IL20RA: variants seen among roughly 807,000 people sequenced by gnomAD.
IL20RA encodes the protein interleukin 20 receptor subunit alpha.
A neutral mutation model predicts 36.5 loss-of-function variants in IL20RA; 29 were observed. The observed-to-expected ratio is 0.79, with a 90% confidence interval of 0.59 to 1.08. The LOEUF is 1.08. Among genes scored for constraint, IL20RA ranks in the 50% least tolerant of loss-of-function variants. The pLI, the probability that IL20RA is intolerant of heterozygous loss-of-function variation, is 0.00. For synonymous variants in IL20RA, 279 were observed against 267.1 expected (o/e 1.04, Z -0.43); for missense variants, 652 against 668.4 (o/e 0.98, Z 0.27).
At chr6:137,043,944 A>G (rs937260134) in intron 1 of IL20RA, 1 of 264,186 alleles carries the variant, frequency 3.8e-6, no homozygotes, top group Admixed American at 6.5e-5. Flanking sequence ...TAAACTTAAA[A>G]ACCAAACAAA....
At chr6:137,025,027 G>C (rs1776038617) in intron 1 of IL20RA, among the ~76,000 whole-genome samples, 1 of 152,196 alleles carries the variant, frequency 6.6e-6, no homozygotes, top group African/African-American at 2.4e-5. Context: ...AGTCGGCAAG[G>C]AACTATCCAT....
chr6:137,023,751 A>C (rs2115399150), intron 1 of IL20RA, among the ~76,000 whole-genome samples: 1 of 152,322 alleles, frequency 6.6e-6, no homozygotes, highest in South Asian at 2.1e-4. Flanking sequence ...AAGATCTAGC[A>C]AGGAATACTC....
At chr6:137,026,017 T>C (rs1776075647) in intron 1 of IL20RA, among the ~76,000 whole-genome samples, 1 of 152,188 alleles carries the variant, frequency 6.6e-6, no homozygotes, top group African/African-American at 2.4e-5. Context: ...CATTAATCAG[T>C]ACAGAAAGCA....
chr6:137,002,425 G>A, intron 6 of IL20RA, 70 bp from the exon 7 acceptor site: 1 of 987,284 alleles, frequency 1.0e-6, no homozygotes, highest in Non-Finnish European at 1.5e-6. Flanking sequence ...CTGTTAGGTA[G>A]AATATCTTGT....
rs17065975 is a variant in IL20RA at position 137,010,091 on chromosome 6, C to T, written c.404-599G>A. Among the ~76,000 whole-genome samples, 1,048 of 152,316 alleles carry T rather than the reference C, an allele frequency of 6.9e-3. 12 individuals carry two copies. Among genetic ancestry groups the T allele is most frequent in the African/African-American group, 0.024 (1,002 of 41,576 alleles). On this transcript the variant is annotated intron_variant, in intron 3 of 6. Coordinates refer to ENST00000316649, the MANE Select transcript of IL20RA (RefSeq NM_014432.4). ...ATGCATAAACAGTAGATGGTTAATACAATCAAAACTGTTTGTAAGATTTCT... is the reference window on the plus strand; with the variant it reads ...ATGCATAAACAGTAGATGGTTAATATAATCAAAACTGTTTGTAAGATTTCT...
At position 137,009,342 on chromosome 6, in the gene IL20RA, A is replaced by G; in HGVS notation, c.554T>C (p.Val185Ala). 6.2e-7 allele frequency: 1 copy of G among 1,613,800 alleles called. No individual in the cohort carries two copies. Residue 185 changes from valine to alanine, a missense_variant, in exon 4 of 7, where the codon GTG (valine) becomes GCG (alanine). Coordinates refer to ENST00000316649, the MANE Select transcript of IL20RA (RefSeq NM_014432.4). ...IYSNLKYNVSVLNTKSNRTWS... is the reference protein window; with the variant it reads ...IYSNLKYNVSALNTKSNRTWS... The stretch of plus-strand genomic sequence containing the variant: ...CGTTCTGTTTGATTTAGTATTCAAC[A>G]CAGACACGTTATACTTCAGATTGGA...
chr6:137,001,776 A>C lies in IL20RA; in HGVS notation c.1444T>G (p.Trp482Gly), dbSNP rs1775052515. 6.2e-7 allele frequency: 1 copy of C among 1,612,534 alleles called. No homozygotes were observed. Among genetic ancestry groups the C allele is most frequent in the African/African-American group, 1.3e-5 (1 of 75,014 alleles). Reference sequence around the variant, plus strand: ...CACAGCCTGCCAGTTTGGGGATCCCAGTCGACCAGGGTCGTCGATGGCTCT... The same window carrying C: ...CACAGCCTGCCAGTTTGGGGATCCCCGTCGACCAGGGTCGTCGATGGCTCT... The part of the protein sequence containing the change: ...EEEPSTTLVD[W>G]DPQTGRLCIP... The change falls in exon 7 of 7, where the codon TGG (tryptophan) becomes GGG (glycine). Residue 482 changes from tryptophan to glycine, a missense_variant. Trp to Gly is a radical substitution (Grantham distance 184, BLOSUM62 -2). Transcript: ENST00000316649.
intron 1 of IL20RA, among the ~76,000 whole-genome samples, chr6:137,031,926 G>A (rs1048312256): frequency 6.6e-6 from 1 of 151,458 alleles, no homozygotes; most frequent in Non-Finnish European, 1.5e-5. Flanking sequence ...CAGCGCACGT[G>A]CCTGTAATCC....
chr6:137,004,159 CTTT>C (rs140038413), intron 6 of IL20RA, among the ~76,000 whole-genome samples: 22,060 of 87,804 alleles, frequency 0.25, 6,134 homozygotes, highest in East Asian at 0.44. Flanking sequence ...ATCCAGAAAG[CTTT>C]TTTTTTTTTT....
chr6:137,002,392 CT>C, intron 6 of IL20RA, 37 bp from the exon 7 acceptor site: 2 of 1,398,294 alleles, frequency 1.4e-6, no homozygotes, highest in Non-Finnish European at 9.8e-7. Context: ...CACCTTTTCA[CT>C]TTAGAGAGAC....
intron 1 of IL20RA, among the ~76,000 whole-genome samples, chr6:137,042,197 T>C (rs993661507): frequency 1.4e-5 from 1 of 69,848 alleles, no homozygotes; most frequent in African/African-American, 5.2e-5. Context: ...ATGAGTGAGA[T>C]GGGAAACACT....
intron 5 of IL20RA, among the ~76,000 whole-genome samples, chr6:137,006,907 A>G (rs1459675772): frequency 6.6e-6 from 1 of 151,966 alleles, no homozygotes; most frequent in Non-Finnish European, 1.5e-5. Context: ...TATTTTTAGT[A>G]GAGATGGGGT....
At chr6:137,008,493 G>A in intron 5 of IL20RA, 106 bp downstream of exon 5, 5 of 1,221,246 alleles carry the variant, frequency 4.1e-6, no homozygotes, top group Non-Finnish European at 5.6e-6. Context: ...GCCTCAACCT[G>A]TTTCTGTTAG....
rs1016960290 is a variant in IL20RA at position 137,000,166 on chromosome 6, T to C, written c.*1392A>G. The C allele has an allele frequency of 2.6e-5, 4 of 152,210 alleles. No individual in the cohort carries two copies. Among genetic ancestry groups the C allele is most frequent in the Non-Finnish European group, 4.4e-5 (3 of 68,050 alleles). The allele number at this position is 152,210 out of a possible 1,614,324, so 9.4% of individuals were successfully genotyped here. A position where few individuals can be genotyped will look rare whatever the true frequency, so the allele number is the denominator to read the frequency against. ...TTAAACCATTAGATCTGAAACTGTT[T>C]GCATTTGCGGATAATCACGAAAGGT... is the stretch of plus-strand genomic sequence containing the variant. On this transcript the variant is annotated 3_prime_UTR_variant, in exon 7 of 7. Transcript: ENST00000316649.
At chr6:137,004,159 CTTTTTTTTTTT>C (rs140038413) in intron 6 of IL20RA, among the ~76,000 whole-genome samples, 14 of 88,006 alleles carry the variant, frequency 1.6e-4, no homozygotes, top group African/African-American at 7.8e-4. Context: ...ATCCAGAAAG[CTTTTTTTTTTT>C]TTTTTTTTTT....
chr6:137,001,951 C>G lies in IL20RA; in HGVS notation c.1269G>C (p.Glu423Asp). ...GPEEQELSLQ[E>D]EVSTQGTLLE... ...ATAATGTTCCTTGTGTGGACACCTC[C>G]TCCTGCAAACTGAGCTCCTGCTCTT... is the stretch of plus-strand genomic sequence containing the variant. Residue 423 changes from glutamate (E) to aspartate (D), a missense_variant, in exon 7 of 7, where the codon GAG (glutamate) becomes GAC (aspartate). Physicochemically the swap from Glu to Asp is conservative, Grantham distance 45. Transcript: ENST00000316649. The G allele has an allele frequency of 6.2e-7, 1 of 1,614,170 alleles. No homozygotes were observed. Among genetic ancestry groups the G allele is most frequent in the Non-Finnish European group, 8.5e-7 (1 of 1,180,038 alleles).
chr6:137,004,159 C>CGTGTTTTTTTTT (rs531501235), intron 6 of IL20RA, among the ~76,000 whole-genome samples: 1 of 88,016 alleles, frequency 1.1e-5, no homozygotes, highest in African/African-American at 5.6e-5. Flanking sequence ...ATCCAGAAAG[C>CGTGTTTTTTTTT]TTTTTTTTTT....
intron 1 of IL20RA, chr6:137,042,655 G>A (rs1776739609): frequency 6.6e-6 from 1 of 152,058 alleles, no homozygotes; most frequent in Admixed American, 6.5e-5. Context: ...TCCCTACAAG[G>A]TTCATGACAT....
At chr6:137,036,360 T>C (rs1348847132) in intron 1 of IL20RA, among the ~76,000 whole-genome samples, 1 of 152,184 alleles carries the variant, frequency 6.6e-6, no homozygotes, top group African/African-American at 2.4e-5. Context: ...TATGTTGACA[T>C]CCTAACTTCT....
Sources: gnomAD v4.1 joint callset for allele counts (sites outside exome capture counted in the v4.1 genomes callset) on GRCh38, gnomAD v4.1.1 for gene constraint, MANE v1.5 for transcripts, NCBI Gene and HGNC (gene_info 2026-07-23, HGNC 2026-07-21) for gene names.